The following ZBTB38 variants were observed in gnomAD, a reference collection of about 807,000 sequenced individuals.
ZBTB38 encodes zinc finger and BTB domain-containing protein 38.
A neutral mutation model predicts 76.8 loss-of-function variants in ZBTB38; 20 were observed. That is an observed-to-expected ratio of 0.26 (90% confidence interval 0.18 to 0.38). ZBTB38 has a LOEUF of 0.38. Among genes scored for constraint, ZBTB38 ranks in the 10% least tolerant of loss-of-function variants. The pLI, the probability that ZBTB38 is intolerant of heterozygous loss-of-function variation, is 1.00. For synonymous variants in ZBTB38, 504 were observed against 544.2 expected (o/e 0.93, Z 1.03); for missense variants, 1,082 against 1,482.3 (o/e 0.73, Z 4.43).
At position 141,442,280 on chromosome 3, in the gene ZBTB38, C is replaced by G; in HGVS notation, c.1-109C>G. The G allele has an allele frequency of 1.2e-6, 1 of 801,848 alleles. No individual in the cohort carries two copies. Among genetic ancestry groups the G allele is most frequent in the East Asian group, 2.5e-5 (1 of 39,934 alleles). The allele number at this position is 801,848 out of a possible 1,614,324, so 49.7% of individuals were successfully genotyped here. A position where few individuals can be genotyped will look rare whatever the true frequency, so the allele number is the denominator to read the frequency against. On this transcript the variant is annotated intron_variant, in intron 5 of 5. Transcript: ENST00000321464. This position sits in a 1 kb window ranked among gnomAD's most constrained non-coding sequence, Gnocchi z 6.4. Reference sequence around the variant, plus strand: ...GAGCATCAACAGAATGAGATAAAAACCTGAAGTTTCATACAAAAGAACAGT... The same window carrying G: ...GAGCATCAACAGAATGAGATAAAAAGCTGAAGTTTCATACAAAAGAACAGT...
Position 141,443,006 on chromosome 3 carries a change from G to A in ZBTB38, c.618G>A (p.Thr206=), listed in dbSNP as rs369787879. ...CAGCTAGCCTTTGCCTGGAGAGGACGGACGTCTGCCACGAGGCAGAGCCTG... is the reference window on the plus strand; with the variant it reads ...CAGCTAGCCTTTGCCTGGAGAGGACAGACGTCTGCCACGAGGCAGAGCCTG... ...MRTASLCLER[T]DVCHEAEPVR... is the part of the protein sequence containing the mutation. Residue 206 remains threonine (T), a synonymous_variant, in exon 6 of 6, where the codon ACG becomes ACA. Transcript: ENST00000321464. This position sits in a 1 kb window ranked among gnomAD's most constrained non-coding sequence, Gnocchi z 5.6. The A allele has an allele frequency of 1.3e-4, 210 of 1,614,218 alleles. No individual in the cohort carries two copies. The African/African-American group carries it at 2.2e-3, about 17-fold the overall frequency.
At chr3:141,396,358 A>G (rs1950356491) in intron 4 of ZBTB38, 1 of 154,694 alleles carries the variant, frequency 6.5e-6, no homozygotes, top group East Asian at 1.9e-4. Context: ...TTTTATAATA[A>G]GATTGCAGAA....
chr3:141,422,763 C>T (rs780802534), intron 5 of ZBTB38, among the ~76,000 whole-genome samples: 1 of 152,006 alleles, frequency 6.6e-6, no homozygotes, highest in Non-Finnish European at 1.5e-5. Flanking sequence ...ATGCAGGGCT[C>T]CCCAAAACAA....
chr3:141,382,344 T>C (rs1171773890), intron 3 of ZBTB38, among the ~76,000 whole-genome samples: 1 of 152,236 alleles, frequency 6.6e-6, no homozygotes, highest in Non-Finnish European at 1.5e-5. Context: ...TCACAAATGC[T>C]GAATACATTG....
At chr3:141,342,725 C>CTTTTTTTTTTTTTTTTTTT (rs60578286) in intron 1 of ZBTB38, among the ~76,000 whole-genome samples, 1 of 108,820 alleles carries the variant, frequency 9.2e-6, no homozygotes. Context: ...GTCCCATGAT[C>CTTTTTTTTTTTTTTTTTTT]TTTTTTTTTT....
intron 5 of ZBTB38, among the ~76,000 whole-genome samples, chr3:141,414,341 C>T (rs979248493): frequency 2.6e-5 from 4 of 152,204 alleles, no homozygotes; most frequent in Non-Finnish European, 5.9e-5. Flanking sequence ...TCCGCTGATC[C>T]GAATTCCCTC....
intron 5 of ZBTB38, among the ~76,000 whole-genome samples, chr3:141,426,482 A>T (rs930755665): frequency 2.0e-5 from 3 of 152,102 alleles, no homozygotes; most frequent in Non-Finnish European, 4.4e-5. Context: ...CAGGCCACAG[A>T]CCCAGCACCG....
chr3:141,375,496 C>T (rs75098673), intron 2 of ZBTB38, among the ~76,000 whole-genome samples: 5,175 of 152,324 alleles, frequency 0.034, 103 homozygotes, highest in Non-Finnish European at 0.044. Flanking sequence ...GGCCCACGTG[C>T]CCATCTTGGT....
At chr3:141,376,925 T>C (rs867863502) in intron 2 of ZBTB38, among the ~76,000 whole-genome samples, 1 of 152,230 alleles carries the variant, frequency 6.6e-6, no homozygotes, top group African/African-American at 2.4e-5. Context: ...GTCCCACCCT[T>C]GCCTCTCTAC....
chr3:141,365,684 T>C (rs1943945363), upstream of ZBTB38, among the ~76,000 whole-genome samples: 2 of 152,016 alleles, frequency 1.3e-5, no homozygotes, highest in South Asian at 2.1e-4. Flanking sequence ...GGAAAATCTA[T>C]AGAGACAGAA....
intron 5 of ZBTB38, among the ~76,000 whole-genome samples, chr3:141,441,935 TC>T (rs2080352793): frequency 1.3e-5 from 2 of 152,120 alleles, no homozygotes; most frequent in South Asian, 4.2e-4. Flanking sequence ...AAAATCATTT[TC>T]CTGCTTCATG....
chr3:141,445,780 C>CCAAAATTTG lies in ZBTB38; in HGVS notation c.3398_3406dup (p.Ile1133_Lys1135dup). On this transcript the variant is annotated inframe_insertion, in exon 6 of 6. Coordinates refer to ENST00000321464, the MANE Select transcript of ZBTB38 (RefSeq NM_001376113.1). The surrounding 1 kb of genome is among the most constrained non-coding windows in gnomAD (Gnocchi z 6.5). ...AAGGGCTATGCCTGCTTCCAGTGCC[C>CCAAAATTTG]CAAAATTTGCAAAACAGCTGCTGCC... The CCAAAATTTG allele has an allele frequency of 6.2e-7, 1 of 1,614,160 alleles. No homozygotes were observed. Among genetic ancestry groups the CCAAAATTTG allele is most frequent in the Non-Finnish European group, 8.5e-7 (1 of 1,180,022 alleles).
chr3:141,351,662 G>A (rs933164416), intron 1 of ZBTB38, among the ~76,000 whole-genome samples: 1 of 147,862 alleles, frequency 6.8e-6, no homozygotes, highest in Non-Finnish European at 1.5e-5. Flanking sequence ...GAGCCTGGGA[G>A]TTAGCTGTAA....
intron 1 of ZBTB38, among the ~76,000 whole-genome samples, chr3:141,326,551 A>C (rs936422164): frequency 6.6e-6 from 1 of 152,222 alleles, no homozygotes; most frequent in Non-Finnish European, 1.5e-5. Flanking sequence ...TATGTTTCCT[A>C]ACTCACATGA....
chr3:141,353,195 C>T lies in ZBTB38; in HGVS notation c.-738-15426C>T, dbSNP rs558715407. Among the ~76,000 whole-genome samples the T allele has an allele frequency of 3.3e-5, 5 of 152,242 alleles. No individual in the cohort carries two copies. The East Asian group carries it at 9.7e-4, about 29-fold the overall frequency. On this transcript the variant is annotated intron_variant, in intron 1 of 7. Transcript: ENST00000509842. The stretch of plus-strand genomic sequence containing the variant: ...TCTCTTTTCTCCTCCCCATCAATCT[C>T]TCTGTCTCTGTCACCTTCACCATTT...
intron 1 of ZBTB38, among the ~76,000 whole-genome samples, chr3:141,354,733 T>G (rs1442360981): frequency 6.6e-6 from 1 of 152,132 alleles, no homozygotes; most frequent in African/African-American, 2.4e-5. Context: ...ACTTAACACA[T>G]TGCTTTTTGC....
In ZBTB38 at chr3:141,445,958, G is replaced by A; in HGVS notation, c.3570G>A (p.Val1190=). ...NDQKDNIQTG[V]ENVVL is the part of the protein sequence containing the mutation. ...AAAAGGATAACATACAAACCGGTGT[G>A]GAAAATGTTGTCCTTTGAGTGGCAA... The change falls in exon 6 of 6, where the codon GTG becomes GTA. Residue 1190 remains valine, a synonymous_variant. Coordinates refer to ENST00000321464, the MANE Select transcript of ZBTB38 (RefSeq NM_001376113.1). This position sits in a 1 kb window ranked among gnomAD's most constrained non-coding sequence, Gnocchi z 6.5. The A allele has an allele frequency of 6.3e-7, 1 of 1,581,142 alleles. No homozygotes were observed. Among genetic ancestry groups the A allele is most frequent in the Non-Finnish European group, 8.6e-7 (1 of 1,168,012 alleles).
At chr3:141,393,372 C>A (rs1423784991) in intron 4 of ZBTB38, among the ~76,000 whole-genome samples, 5 of 152,206 alleles carry the variant, frequency 3.3e-5, no homozygotes, top group African/African-American at 1.2e-4. Flanking sequence ...GCCTTACAAG[C>A]CAGTGAAGCC....
At chr3:141,429,190 A>C (rs1169770611) in intron 5 of ZBTB38, among the ~76,000 whole-genome samples, 1 of 152,216 alleles carries the variant, frequency 6.6e-6, no homozygotes, top group African/African-American at 2.4e-5. Flanking sequence ...GTCAAAAAGC[A>C]GAGCAGGGCA....
Sources: gnomAD v4.1 joint callset for allele counts (sites outside exome capture counted in the v4.1 genomes callset) on GRCh38, gnomAD v4.1.1 for gene constraint, Gnocchi (gnomAD v3.1) non-coding constraint, MANE v1.5 for transcripts, NCBI Gene and HGNC (gene_info 2026-07-23, HGNC 2026-07-21) for gene names.